The following RBL2 variants were observed in gnomAD, a reference collection of about 807,000 sequenced individuals.
RBL2 encodes the protein RB transcriptional corepressor like 2.
RBL2 carries 56 observed loss-of-function variants against 126.0 expected under a neutral mutation model. That is an observed-to-expected ratio of 0.44 (90% CI 0.36 to 0.56). The LOEUF (loss-of-function observed/expected upper bound fraction) is 0.56. Among genes scored for constraint, RBL2 ranks in the 20% least tolerant of loss-of-function variants. The pLI, the probability that RBL2 is intolerant of heterozygous loss-of-function variation, is 0.00. For missense variants in RBL2, 1,229 were observed against 1,398.2 expected (o/e 0.88, Z 1.93); for synonymous variants, 454 against 478.5 (o/e 0.95, Z 0.67).
At chr16:53,456,904 A>C (rs568973158) in intron 8 of RBL2, among the ~76,000 whole-genome samples, 2 of 152,062 alleles carry the variant, frequency 1.3e-5, no homozygotes, top group South Asian at 4.2e-4. Context: ...CGTATTTATC[A>C]CTGTCTGACA....
chr16:53,472,574 C>T (rs1279861463), intron 17 of RBL2, among the ~76,000 whole-genome samples: 1 of 152,106 alleles, frequency 6.6e-6, no homozygotes, highest in African/African-American at 2.4e-5. Context: ...TCTTTAAATC[C>T]TTTGCCCATT....
Position 53,435,812 on chromosome 16 carries a change from G to A in RBL2, c.240+1016G>A. 5.1e-6 allele frequency: 6 copies of A among 1,180,882 alleles called. No individual in the cohort carries two copies. The South Asian group carries it at 6.5e-5, about 13-fold the overall frequency. The allele number at this position is 1,180,882 out of a possible 1,614,324, so 73.2% of individuals were successfully genotyped here. A position where few individuals can be genotyped will look rare whatever the true frequency, so the allele number is the denominator to read the frequency against. On this transcript the variant is annotated intron_variant, in intron 1 of 21. Transcript: ENST00000262133. ...GTGAGGTTATTTTTAATTTGTATTT[G>A]CATTAATAGAATTTTAATTCAATTA...
intron 7 of RBL2, 126 bp downstream of exon 7, chr16:53,453,895 G>A (rs1375554317): frequency 3.6e-6 from 3 of 822,440 alleles, no homozygotes; most frequent in African/African-American, 3.5e-5. Context: ...ATACAGGGAA[G>A]CAAAAATTCT....
At chr16:53,469,865 G>C in intron 14 of RBL2, 51 bp from the exon 15 acceptor site, 2 of 1,494,754 alleles carry the variant, frequency 1.3e-6, no homozygotes, top group South Asian at 1.4e-5. Context: ...ACGGAAGTCA[G>C]ATCTGAGTCT....
intron 2 of RBL2, among the ~76,000 whole-genome samples, chr16:53,442,112 G>A (rs964108023): frequency 2.0e-5 from 3 of 151,982 alleles, no homozygotes; most frequent in Non-Finnish European, 2.9e-5. Context: ...GAGCTACTGC[G>A]CCTAGCCTTG....
At chr16:53,464,583 T>C (rs969534391) in intron 12 of RBL2, 2 of 369,406 alleles carry the variant, frequency 5.4e-6, no homozygotes, top group Non-Finnish European at 9.3e-6. Flanking sequence ...CTTTGATTCC[T>C]CTCTATCTAA....
chr16:53,454,760 C>A lies in RBL2; in HGVS notation c.1097C>A (p.Ser366Ter). ...EDAEEEIGTLSRCLNAGSGTE... is the reference protein window; with the variant it reads ...EDAEEEIGTL ...GCTGAGGAGGAAATTGGGACTCTCTCAAGGTGTCTGAACGCTGGTTCAGGA... is the reference window on the plus strand; with the variant it reads ...GCTGAGGAGGAAATTGGGACTCTCTAAAGGTGTCTGAACGCTGGTTCAGGA... The change falls in exon 8 of 22, where the codon TCA (serine) becomes TAA (stop). Residue 366 changes from serine (S) to a stop codon, truncating the protein, a stop_gained. Coordinates refer to ENST00000262133, the MANE Select transcript of RBL2 (RefSeq NM_005611.4). LOFTEE classifies it high-confidence loss of function. The A allele has an allele frequency of 6.2e-7, 1 of 1,614,060 alleles. No homozygotes were observed. The highest frequency in any genetic ancestry group is 1.3e-5 in the African/African-American group (1 of 75,010).
intron 17 of RBL2, among the ~76,000 whole-genome samples, chr16:53,473,563 C>G (rs1447931627): frequency 1.3e-5 from 2 of 150,882 alleles, no homozygotes. Flanking sequence ...CTAGTAGATT[C>G]CTTAGGATTA....
At chr16:53,452,067 C>G (rs1396528255) in intron 5 of RBL2, among the ~76,000 whole-genome samples, 1 of 152,158 alleles carries the variant, frequency 6.6e-6, no homozygotes, top group African/African-American at 2.4e-5. Context: ...GAAATATATA[C>G]TCAACAAGGA....
intron 7 of RBL2, 83 bp from the exon 8 acceptor site, chr16:53,454,573 T>C: frequency 1.6e-6 from 2 of 1,260,388 alleles, no homozygotes; most frequent in Non-Finnish European, 2.2e-6. Context: ...TTAGAACTTT[T>C]AGTAAATAAA....
chr16:53,481,634 T>A (rs1960950263), intron 20 of RBL2, 37 bp from the exon 21 acceptor site: 1 of 1,453,534 alleles, frequency 6.9e-7, no homozygotes, highest in South Asian at 1.3e-5. Flanking sequence ...ATTATAAATT[T>A]TTTTCTTAGA....
chr16:53,484,615 A>G (rs966360781), intron 21 of RBL2, among the ~76,000 whole-genome samples: 3 of 152,252 alleles, frequency 2.0e-5, no homozygotes, highest in Non-Finnish European at 4.4e-5. Flanking sequence ...TTCCATTTAT[A>G]TGAGTTGTCC....
intron 3 of RBL2, 105 bp downstream of exon 3, chr16:53,442,963 A>T (rs1251126855): frequency 6.5e-6 from 6 of 916,064 alleles, no homozygotes; most frequent in Admixed American, 3.5e-5. Context: ...AATAAGATTT[A>T]AAAAATCTTT....
rs747188085 is a variant in RBL2, at chr16:53,470,930, C to A, written c.2703+8C>A. The A allele has an allele frequency of 3.1e-6, 5 of 1,601,452 alleles. No individual in the cohort carries two copies. In the African/African-American group the frequency reaches 5.4e-5, roughly 17 times the overall value. On this transcript the variant is annotated splice_region_variant and intron_variant, in intron 17 of 21. Transcript: ENST00000262133. Reference sequence around the variant, plus strand: ...ATTTATGTGATGGCAAAGGTGAGTACCATTTGGAATTGTAAAGGCAAAGAT... The same window carrying A: ...ATTTATGTGATGGCAAAGGTGAGTAACATTTGGAATTGTAAAGGCAAAGAT...
chr16:53,473,352 T>TG (rs1384585744), intron 17 of RBL2, among the ~76,000 whole-genome samples: 2 of 146,268 alleles, frequency 1.4e-5, no homozygotes, highest in Admixed American at 1.4e-4. Flanking sequence ...TTAGATCTTC[T>TG]GTTTTTTTTT....
intron 9 of RBL2, among the ~76,000 whole-genome samples, chr16:53,460,295 A>C (rs2058208086): frequency 6.6e-6 from 1 of 152,162 alleles, no homozygotes; most frequent in Non-Finnish European, 1.5e-5. Flanking sequence ...ACCCAAAAGG[A>C]CCCCATTTTA....
intron 5 of RBL2, among the ~76,000 whole-genome samples, chr16:53,453,251 C>A (rs2058132854): frequency 6.6e-6 from 1 of 152,124 alleles, no homozygotes; most frequent in African/African-American, 2.4e-5. Context: ...TAACTGAAAT[C>A]TTTCGAGTAA....
At chr16:53,481,266 T>C (rs1291526970) in intron 20 of RBL2, 1 of 176,992 alleles carries the variant, frequency 5.6e-6, no homozygotes, top group Non-Finnish European at 1.2e-5. Flanking sequence ...ACGAGTAAGA[T>C]TGTATTTGGA....
chr16:53,478,405 T>C (rs1216290982), intron 17 of RBL2, among the ~76,000 whole-genome samples: 1 of 152,152 alleles, frequency 6.6e-6, no homozygotes, highest in Non-Finnish European at 1.5e-5. Flanking sequence ...TTTTTTCTGC[T>C]TCTTTCTCTC....
Sources: gnomAD v4.1 joint callset for allele counts (sites outside exome capture counted in the v4.1 genomes callset) on GRCh38, gnomAD v4.1.1 for gene constraint, MANE v1.5 for transcripts, NCBI Gene and HGNC (gene_info 2026-07-23, HGNC 2026-07-21) for gene names.